Variants in NEMP1 observed in about 807,000 individuals in gnomAD.
NEMP1 encodes the protein transmembrane protein 194.
A neutral mutation model predicts 53.7 loss-of-function variants in NEMP1; 29 were observed. The ratio of observed to expected loss-of-function variants is 0.54; its 90% confidence interval spans 0.40 to 0.74. NEMP1 has a LOEUF of 0.74. Among genes scored for constraint, NEMP1 ranks in the 30% least tolerant of loss-of-function variants. The pLI is 0.00. For missense variants in NEMP1, 477 were observed against 528.6 expected (o/e 0.90, Z 0.96); for synonymous variants, 193 against 192.9 (o/e 1.00, Z 0.00).
Position 57,087,414 on chromosome 12 carries a change from G to C in NEMP1, n.113+537C>G, listed in dbSNP as rs60929309. On this transcript the variant is annotated intron_variant and non_coding_transcript_variant, in intron 1 of 2. Transcript: ENST00000553654. The stretch of plus-strand genomic sequence containing the variant: ...GGGCACGTGGAAACCCGGGGCCAGC[G>C]GCTGGCAGCCCGGGATCCAAAATAA... Among the ~76,000 whole-genome samples the C allele has an allele frequency of 6.8e-3, 1,039 of 151,878 alleles. 14 individuals carry two copies. Among genetic ancestry groups the C allele is most frequent in the African/African-American group, 0.024 (1,000 of 41,392 alleles).
intron 6 of NEMP1, 77 bp downstream of exon 6, chr12:57,063,994 G>A: frequency 1.2e-6 from 1 of 850,562 alleles, no homozygotes; most frequent in Admixed American, 3.2e-5. Flanking sequence ...CCATAAGCAG[G>A]CAAAATCTTT....
At chr12:57,083,121 CA>C (rs1376116116), upstream of NEMP1, among the ~76,000 whole-genome samples, 2 of 152,034 alleles carry the variant, frequency 1.3e-5, no homozygotes, top group Non-Finnish European at 1.5e-5. Flanking sequence ...ACACATACTT[CA>C]TTTTTTTTTA....
rs370568706 is a variant in NEMP1, at chr12:57,078,611, G to A, written c.127+8C>T. 28 of 1,603,906 alleles carry A rather than the reference G, an allele frequency of 1.7e-5. No individual in the cohort carries two copies. Among genetic ancestry groups the A allele is most frequent in the Non-Finnish European group, 2.0e-5 (24 of 1,175,010 alleles). On this transcript the variant is annotated splice_region_variant and intron_variant, in intron 1 of 8. Transcript: ENST00000300128. ...CTGCCCCCTTGGCAGCTGCTGCCCG[G>A]GCGGTACCTGTGCCGTAGACCAAGC... is the stretch of plus-strand genomic sequence containing the variant.
At chr12:57,073,931 T>C (rs1182630355) in intron 1 of NEMP1, among the ~76,000 whole-genome samples, 2 of 152,198 alleles carry the variant, frequency 1.3e-5, no homozygotes, top group Non-Finnish European at 2.9e-5. Flanking sequence ...CTCTATCCCT[T>C]TCCTGAGTAG....
At chr12:57,060,126 A>G in intron 8 of NEMP1, 67 bp from the exon 9 acceptor site, 1 of 1,496,346 alleles carries the variant, frequency 6.7e-7, no homozygotes, top group South Asian at 1.2e-5. Context: ...TTTCAAAATA[A>G]GAACAAATTA....
At chr12:57,075,538 T>G (rs955571022) in intron 1 of NEMP1, among the ~76,000 whole-genome samples, 1 of 133,560 alleles carries the variant, frequency 7.5e-6, no homozygotes, top group Non-Finnish European at 1.6e-5. Context: ...AAATAAATAG[T>G]TGGGCCCAGG....
rs371998727 is a variant in NEMP1, at chr12:57,063,372, C to A, written c.755-28G>T. 1.9e-6 allele frequency: 3 copies of A among 1,575,502 alleles called. No homozygotes were observed. The African/African-American group carries it at 4.1e-5, about 21-fold the overall frequency. On this transcript the variant is annotated intron_variant, in intron 6 of 8. Coordinates refer to ENST00000300128, the MANE Select transcript of NEMP1 (RefSeq NM_001130963.2). ...ATGAGAAGAGTTATCAGAAGACATT[C>A]TTTTTCATCTATACTTGGTAAAAAT...
intron 1 of NEMP1, among the ~76,000 whole-genome samples, chr12:57,084,414 C>T (rs2032934893): frequency 6.6e-6 from 1 of 152,086 alleles, no homozygotes; most frequent in Admixed American, 6.6e-5. Context: ...TGAGAGTCAC[C>T]CTAAACCCTC....
chr12:57,079,257 G>A (rs1161497928), upstream of NEMP1, among the ~76,000 whole-genome samples: 4 of 152,166 alleles, frequency 2.6e-5, no homozygotes, highest in African/African-American at 9.7e-5. Flanking sequence ...CAAAAGTGTG[G>A]TTCTCCAAAG....
chr12:57,076,899 A>G (rs554243144), intron 1 of NEMP1, among the ~76,000 whole-genome samples: 14 of 131,426 alleles, frequency 1.1e-4, no homozygotes, highest in African/African-American at 3.9e-4. Flanking sequence ...ACAGGAACCG[A>G]GATTGCACCA....
At position 57,064,642 on chromosome 12, in the gene NEMP1, T is replaced by A. The variant is rs1026916455; in HGVS notation, c.639+4A>T. ...TAGCTGCACATGAAGATTCTGATACTTACCTTAGGCATAAACTTAGATAGT... is the reference window on the plus strand; with the variant it reads ...TAGCTGCACATGAAGATTCTGATACATACCTTAGGCATAAACTTAGATAGT... On this transcript the variant is annotated splice_donor_region_variant and intron_variant, in intron 5 of 8. Coordinates refer to ENST00000300128, the MANE Select transcript of NEMP1 (RefSeq NM_001130963.2). 2 of 1,600,376 alleles carry A rather than the reference T, an allele frequency of 1.2e-6. No individual in the cohort carries two copies. Among genetic ancestry groups the A allele is most frequent in the Non-Finnish European group, 8.5e-7 (1 of 1,171,680 alleles).
chr12:57,078,814 C>T (rs999820753), upstream of NEMP1: 6 of 1,524,404 alleles, frequency 3.9e-6, no homozygotes, highest in African/African-American at 5.5e-5. Flanking sequence ...GCAACGACAG[C>T]AGCCTATCCT....
chr12:57,083,923 G>C (rs900526601), intron 1 of NEMP1, among the ~76,000 whole-genome samples: 2 of 151,824 alleles, frequency 1.3e-5, no homozygotes, highest in East Asian at 1.9e-4. Flanking sequence ...ACAGGCGCCC[G>C]CCACCACGCC....
At position 57,060,777 on chromosome 12, in the gene NEMP1, T is replaced by C. The variant is rs2031760781; in HGVS notation, c.1149A>G (p.Pro383=). 3.1e-6 allele frequency: 5 copies of C among 1,611,752 alleles called. No homozygotes were observed. Among genetic ancestry groups the C allele is most frequent in the Non-Finnish European group, 4.2e-6 (5 of 1,179,132 alleles). ...AWKTVSRIQS[P]KRFADFVEGS... Reference sequence around the variant, plus strand: ...GTATATCTGGCCGAGTTTACCTTTTTGGAGACTGGATTCGAGAAACAGTCT... The same window carrying C: ...GTATATCTGGCCGAGTTTACCTTTTCGGAGACTGGATTCGAGAAACAGTCT... Residue 383 remains proline (P), a synonymous_variant, in exon 8 of 9, where the codon CCA becomes CCG. Coordinates refer to ENST00000300128, the MANE Select transcript of NEMP1 (RefSeq NM_001130963.2).
Position 57,072,896 on chromosome 12 carries a change from A to AT in NEMP1, c.143dup (p.Asn48LysfsTer12). 6.2e-7 allele frequency: 1 copy of AT among 1,612,278 alleles called. No homozygotes were observed. The highest frequency in any genetic ancestry group is 8.5e-7 in the Non-Finnish European group (1 of 1,179,176). ...CTTGGGATTCCTGAAGCATGACCAC[A>AT]TTTACATCAGTTTCAGCTTTATGCA... On this transcript the variant is annotated frameshift_variant, in exon 2 of 9. Coordinates refer to ENST00000300128, the MANE Select transcript of NEMP1 (RefSeq NM_001130963.2). LOFTEE classifies it high-confidence loss of function.
At chr12:57,060,634 C>T (rs960046871) in intron 8 of NEMP1, 138 bp downstream of exon 8, 4 of 830,568 alleles carry the variant, frequency 4.8e-6, no homozygotes, top group African/African-American at 3.4e-5. Context: ...GATTATATAT[C>T]CACCCTTCTC....
upstream of NEMP1, chr12:57,078,856 TG>T: frequency 7.9e-7 from 1 of 1,268,802 alleles, no homozygotes. Flanking sequence ...ACCAATGGGA[TG>T]GGCAGGGCTT....
chr12:57,078,720 A>G lies in NEMP1; in HGVS notation c.26T>C (p.Val9Ala). 1 of 1,611,570 alleles carries G rather than the reference A, an allele frequency of 6.2e-7. No individual in the cohort carries two copies. The highest frequency in any genetic ancestry group is 8.5e-7 in the Non-Finnish European group (1 of 1,178,526). MAGGMKVA[V>A]SPAVGPGPWG... Reference sequence around the variant, plus strand: ...GGGCCCGGGACCAACTGCCGGCGAGACCGCCACTTTCATTCCTCCCGCCAT... The same window carrying G: ...GGGCCCGGGACCAACTGCCGGCGAGGCCGCCACTTTCATTCCTCCCGCCAT... Residue 9 changes from valine (V) to alanine (A), a missense_variant, in exon 1 of 9, where the codon GTC (valine) becomes GCC (alanine). Transcript: ENST00000300128.
chr12:57,076,492 C>T (rs1565665752), intron 1 of NEMP1, among the ~76,000 whole-genome samples: 1 of 151,924 alleles, frequency 6.6e-6, no homozygotes, highest in Non-Finnish European at 1.5e-5. Flanking sequence ...GGTGAAACCC[C>T]ATCTCTACTA....
Sources: allele counts gnomAD v4.1 joint callset (sites outside exome capture counted in the v4.1 genomes callset), GRCh38; gene constraint gnomAD v4.1.1; transcripts MANE v1.5; gene names NCBI Gene and HGNC (gene_info 2026-07-23, HGNC 2026-07-21).